The following COX7B2 variants were observed in gnomAD, a reference collection of about 807,000 sequenced individuals.
COX7B2 encodes the protein cytochrome c oxidase subunit 7B2.
For missense variants in COX7B2, 109 were observed against 95.9 expected (o/e 1.14, Z -0.57); for synonymous variants, 37 against 32.1 (o/e 1.15, Z -0.51).
chr4:46,783,394 C>T (rs1014410089), intron 2 of COX7B2, among the ~76,000 whole-genome samples: 1 of 152,178 alleles, frequency 6.6e-6, no homozygotes, highest in Admixed American at 6.5e-5. Context: ...AACAGGGGTC[C>T]TTTGCCTATC....
chr4:46,871,465 C>A (rs960827715), intron 1 of COX7B2, among the ~76,000 whole-genome samples: 5 of 151,982 alleles, frequency 3.3e-5, no homozygotes, highest in Admixed American at 1.3e-4. Flanking sequence ...AAAGCTATTG[C>A]CACAAAAGCA....
intron 2 of COX7B2, among the ~76,000 whole-genome samples, chr4:46,817,634 T>C (rs1465411088): frequency 6.6e-6 from 1 of 152,208 alleles, no homozygotes; most frequent in Non-Finnish European, 1.5e-5. Flanking sequence ...TAAATCAAAC[T>C]TTCTCAAATA....
At chr4:46,793,912 C>G (rs1718179136) in intron 2 of COX7B2, among the ~76,000 whole-genome samples, 1 of 152,150 alleles carries the variant, frequency 6.6e-6, no homozygotes, top group Non-Finnish European at 1.5e-5. Flanking sequence ...ATTGGTCTCC[C>G]CCCTTTGGCT....
chr4:46,753,008 G>A (rs1223607153), intron 2 of COX7B2, among the ~76,000 whole-genome samples: 1 of 152,096 alleles, frequency 6.6e-6, no homozygotes, highest in Non-Finnish European at 1.5e-5. Context: ...GCTCCTCCTT[G>A]TACCTCTGGT....
At chr4:46,868,781 T>C (rs890783711) in intron 1 of COX7B2, among the ~76,000 whole-genome samples, 1 of 152,238 alleles carries the variant, frequency 6.6e-6, no homozygotes, top group Non-Finnish European at 1.5e-5. Flanking sequence ...AGGATTGTTT[T>C]ATGTCCAATT....
intron 2 of COX7B2, among the ~76,000 whole-genome samples, chr4:46,828,251 T>C (rs551744086): frequency 6.6e-6 from 1 of 152,232 alleles, no homozygotes; most frequent in East Asian, 1.9e-4. Flanking sequence ...ATCTAGATTA[T>C]ACAAGGAACT....
chr4:46,853,501 A>G (rs752864092), intron 1 of COX7B2, among the ~76,000 whole-genome samples: 12 of 152,094 alleles, frequency 7.9e-5, no homozygotes, highest in Non-Finnish European at 1.3e-4. Flanking sequence ...TCCTGTAAAA[A>G]CATTTATAAT....
rs1451837900 is a variant in COX7B2 at position 46,909,228 on chromosome 4, A to T, written c.-173T>A. ...CAAATTCCGAACCTTTCCGTTTTAC[A>T]GCCTGGAGGGGTCGGGTAAAACAGG... On this transcript the variant is annotated 5_prime_UTR_variant, in exon 1 of 3. Transcript: ENST00000355591. The T allele has an allele frequency of 6.6e-6, 1 of 152,172 alleles. No individual in the cohort carries two copies. Among genetic ancestry groups the T allele is most frequent in the Non-Finnish European group, 1.5e-5 (1 of 68,034 alleles). The allele number at this position is 152,172 out of a possible 1,614,324, so 9.4% of individuals were successfully genotyped here. A position where few individuals can be genotyped will look rare whatever the true frequency, so the allele number is the denominator to read the frequency against.
chr4:46,866,305 G>A (rs953601715), intron 1 of COX7B2, among the ~76,000 whole-genome samples: 1 of 152,154 alleles, frequency 6.6e-6, no homozygotes, highest in African/African-American at 2.4e-5. Flanking sequence ...TGGCAGCAGA[G>A]AACAGATGTT....
chr4:46,897,411 A>G (rs922064759), intron 1 of COX7B2, among the ~76,000 whole-genome samples: 1 of 152,194 alleles, frequency 6.6e-6, no homozygotes, highest in African/African-American at 2.4e-5. Flanking sequence ...GAGAATGCTA[A>G]GTGTGTCCCC....
intron 2 of COX7B2, among the ~76,000 whole-genome samples, chr4:46,750,133 G>A (rs1441254859): frequency 6.6e-6 from 1 of 150,614 alleles, no homozygotes; most frequent in Non-Finnish European, 1.5e-5. Flanking sequence ...GGCCAAAGTG[G>A]AAGGATCGCT....
intron 2 of COX7B2, among the ~76,000 whole-genome samples, chr4:46,753,303 T>C (rs1283717667): frequency 1.3e-5 from 2 of 152,150 alleles, no homozygotes; most frequent in East Asian, 3.9e-4. Flanking sequence ...TTGATTTTTC[T>C]TTCTTTTCTT....
At chr4:46,815,081 G>T (rs764925306) in intron 2 of COX7B2, among the ~76,000 whole-genome samples, 3 of 151,750 alleles carry the variant, frequency 2.0e-5, no homozygotes, top group Non-Finnish European at 4.4e-5. Flanking sequence ...AGCTACTCAG[G>T]AAGCTGAGAC....
intron 2 of COX7B2, among the ~76,000 whole-genome samples, chr4:46,748,261 T>C (rs1715141645): frequency 6.6e-6 from 1 of 152,158 alleles, no homozygotes; most frequent in African/African-American, 2.4e-5. Context: ...GCCTACAAAT[T>C]ATTACTGCTC....
At chr4:46,845,251 G>A (rs1310788402) in intron 1 of COX7B2, among the ~76,000 whole-genome samples, 1 of 151,950 alleles carries the variant, frequency 6.6e-6, no homozygotes, top group Non-Finnish European at 1.5e-5. Flanking sequence ...GGTAGAGAAT[G>A]AGTCTTTAAA....
intron 2 of COX7B2, among the ~76,000 whole-genome samples, chr4:46,788,285 T>C (rs1280532785): frequency 1.3e-5 from 2 of 152,070 alleles, no homozygotes; most frequent in African/African-American, 2.4e-5. Flanking sequence ...GCAAAACACC[T>C]TAAAATCTGA....
At chr4:46,749,426 A>T (rs1048142687) in intron 2 of COX7B2, among the ~76,000 whole-genome samples, 2 of 152,096 alleles carry the variant, frequency 1.3e-5, no homozygotes, top group Non-Finnish European at 2.9e-5. Flanking sequence ...TATTTTCCCA[A>T]CTGCTAACAA....
intron 2 of COX7B2, among the ~76,000 whole-genome samples, chr4:46,838,954 G>A (rs949720690): frequency 6.6e-6 from 1 of 151,568 alleles, no homozygotes; most frequent in Non-Finnish European, 1.5e-5. Context: ...AAAGTCCCCA[G>A]GCCCTGTTTT....
intron 2 of COX7B2, among the ~76,000 whole-genome samples, chr4:46,752,938 A>T (rs1394877204): frequency 6.6e-6 from 1 of 152,084 alleles, no homozygotes; most frequent in Non-Finnish European, 1.5e-5. Context: ...TCATAAAATG[A>T]GTCAGGGAGG....
Sources: gnomAD v4.1 joint callset for allele counts (sites outside exome capture counted in the v4.1 genomes callset) on GRCh38, gnomAD v4.1.1 for gene constraint, MANE v1.5 for transcripts, NCBI Gene and HGNC (gene_info 2026-07-23, HGNC 2026-07-21) for gene names.